The following SPOCK1 variants were observed in gnomAD, a reference collection of about 807,000 sequenced individuals.
SPOCK1 encodes the protein SPARC (osteonectin), cwcv and kazal like domains proteoglycan 1.
In SPOCK1, 23 loss-of-function variants were observed where a neutral mutation model predicts 55.3. The ratio of observed to expected loss-of-function variants is 0.42; its 90% confidence interval spans 0.30 to 0.59. The LOEUF (loss-of-function observed/expected upper bound fraction) is 0.59. Among genes scored for constraint, SPOCK1 ranks in the 20% least tolerant of loss-of-function variants. The pLI, the probability that SPOCK1 is intolerant of heterozygous loss-of-function variation, is 0.22. For synonymous variants in SPOCK1, 226 were observed against 221.0 expected, an observed-to-expected ratio of 1.02 and a Z score of -0.20; for missense variants, 499 against 552.5, an observed-to-expected ratio of 0.90 and a Z score of 0.97.
intron 2 of SPOCK1, chr5:137,365,258 T>C (rs1751033636): frequency 6.6e-6 from 1 of 152,310 alleles, no homozygotes. Context: ...CCAGCCATTC[T>C]GTCCATCCAC....
chr5:137,245,699 G>C (rs1434654172), intron 3 of SPOCK1, among the ~76,000 whole-genome samples: 1 of 150,798 alleles, frequency 6.6e-6, no homozygotes, highest in Non-Finnish European at 1.5e-5. Flanking sequence ...TGTACGGTTA[G>C]ATGGCCCAAT....
intron 2 of SPOCK1, among the ~76,000 whole-genome samples, chr5:137,483,194 G>A (rs972448673): frequency 2.6e-5 from 4 of 152,154 alleles, no homozygotes; most frequent in African/African-American, 4.8e-5. Flanking sequence ...TTAGTCAGGC[G>A]TAGTGGTAGG....
intron 9 of SPOCK1, among the ~76,000 whole-genome samples, chr5:136,980,468 G>A (rs1363130332): frequency 6.6e-6 from 1 of 152,200 alleles, no homozygotes; most frequent in Non-Finnish European, 1.5e-5. Flanking sequence ...CCCACGTGTT[G>A]TGGGAGGGAC....
rs1007199844 is a variant in SPOCK1, at chr5:137,072,596, C to T, written c.475-4767G>A. The stretch of plus-strand genomic sequence containing the variant: ...TTGGTTGGAATGAGTGAATATTTTC[C>T]GTAAATGGTCAGTAAATCTTTCTCT... On this transcript the variant is annotated intron_variant, in intron 5 of 10. Transcript: ENST00000394945. Among the ~76,000 whole-genome samples, 8 of 152,260 alleles carry T rather than the reference C, an allele frequency of 5.3e-5. No individual in the cohort carries two copies. The South Asian group carries it at 6.2e-4, about 12-fold the overall frequency.
At chr5:137,498,909 GACGGT>G (rs1297198271) in intron 1 of SPOCK1, among the ~76,000 whole-genome samples, 1 of 936 alleles carries the variant, frequency 1.1e-3, no homozygotes, top group Non-Finnish European at 4.5e-3. Flanking sequence ...CACTCCCACA[GACGGT>G]GCGGTGCACA....
At chr5:137,052,914 A>G (rs1477163377) in intron 6 of SPOCK1, among the ~76,000 whole-genome samples, 1 of 151,972 alleles carries the variant, frequency 6.6e-6, no homozygotes, top group African/African-American at 2.4e-5. Context: ...AAATGAGCCT[A>G]TGTCTCCTGT....
intron 2 of SPOCK1, among the ~76,000 whole-genome samples, chr5:137,309,260 G>A (rs1286701355): frequency 6.6e-6 from 1 of 152,156 alleles, no homozygotes; most frequent in Non-Finnish European, 1.5e-5. Context: ...CTGGCACAAG[G>A]AGAGGGGCAG....
chr5:137,188,490 T>G (rs1325262723), intron 3 of SPOCK1, among the ~76,000 whole-genome samples: 2 of 152,206 alleles, frequency 1.3e-5, no homozygotes, highest in Non-Finnish European at 2.9e-5. Flanking sequence ...TGATCTTTGA[T>G]GTTACTATTG....
chr5:137,261,498 G>A (rs868308692), intron 3 of SPOCK1, among the ~76,000 whole-genome samples: 2 of 152,170 alleles, frequency 1.3e-5, no homozygotes, highest in East Asian at 3.8e-4. Context: ...ATAATAGACT[G>A]GAAGTCAAAG....
intron 3 of SPOCK1, among the ~76,000 whole-genome samples, chr5:137,207,093 A>G (rs1443534394): frequency 6.6e-6 from 1 of 152,238 alleles, no homozygotes; most frequent in Non-Finnish European, 1.5e-5. Flanking sequence ...CCTGAGTAAC[A>G]GATTTTCCCA....
intron 2 of SPOCK1, among the ~76,000 whole-genome samples, chr5:137,453,894 G>A (rs1473156710): frequency 6.6e-6 from 1 of 152,128 alleles, no homozygotes; most frequent in Non-Finnish European, 1.5e-5. Flanking sequence ...TTGTAGTGGA[G>A]TCCCCTTATT....
At chr5:137,077,911 C>T (rs1219146876) in intron 5 of SPOCK1, among the ~76,000 whole-genome samples, 1 of 152,064 alleles carries the variant, frequency 6.6e-6, no homozygotes, top group African/African-American at 2.4e-5. Flanking sequence ...ATCATCTTCC[C>T]AGAAACTCTA....
chr5:137,293,960 T>G (rs1347281321), intron 2 of SPOCK1, among the ~76,000 whole-genome samples: 2 of 152,146 alleles, frequency 1.3e-5, no homozygotes, highest in East Asian at 3.9e-4. Context: ...GAGCTTGCAG[T>G]GAGCCGAGAT....
chr5:137,123,363 C>T lies in SPOCK1; in HGVS notation c.348-10802G>A, dbSNP rs144947515. The stretch of plus-strand genomic sequence containing the variant: ...TGCCCCATCCGTTCCCAAAGGTGAG[C>T]TCAAGTAGCAGCCCTCTCTGAGAAG... On this transcript the variant is annotated intron_variant, in intron 4 of 10. Coordinates refer to ENST00000394945, the MANE Select transcript of SPOCK1 (RefSeq NM_004598.4). Among the ~76,000 whole-genome samples the T allele has an allele frequency of 7.4e-3, 1,134 of 152,252 alleles. 10 individuals are homozygous for T. The highest frequency in any genetic ancestry group is 0.014 in the Middle Eastern group (4 of 294).
intron 2 of SPOCK1, among the ~76,000 whole-genome samples, chr5:137,345,605 G>A (rs1365821450): frequency 3.9e-5 from 6 of 152,162 alleles, no homozygotes; most frequent in Non-Finnish European, 5.9e-5. Context: ...GGTCTAAGTG[G>A]CTCTTTAGCT....
intron 3 of SPOCK1, among the ~76,000 whole-genome samples, chr5:137,159,303 G>A (rs1754481772): frequency 6.6e-6 from 1 of 152,140 alleles, no homozygotes; most frequent in Non-Finnish European, 1.5e-5. Flanking sequence ...CTAGGCCATA[G>A]AATAAATACC....
intron 6 of SPOCK1, among the ~76,000 whole-genome samples, chr5:136,997,074 A>T (rs1751055998): frequency 6.6e-6 from 1 of 152,094 alleles, no homozygotes; most frequent in Non-Finnish European, 1.5e-5. Flanking sequence ...CTTCTCAATG[A>T]TGTTTCCCCA....
At chr5:137,034,835 A>G (rs138741020) in intron 6 of SPOCK1, among the ~76,000 whole-genome samples, 23 of 152,346 alleles carry the variant, frequency 1.5e-4, no homozygotes, top group African/African-American at 5.5e-4. Flanking sequence ...TGGTGTGGAC[A>G]GTGGCACGGA....
At chr5:137,015,446 T>A (rs1308772673) in intron 6 of SPOCK1, among the ~76,000 whole-genome samples, 2 of 152,148 alleles carry the variant, frequency 1.3e-5, no homozygotes, top group Non-Finnish European at 2.9e-5. Flanking sequence ...CAAGACTCTG[T>A]CTCAGAGAGA....
Sources: allele counts gnomAD v4.1 joint callset (sites outside exome capture counted in the v4.1 genomes callset), GRCh38; gene constraint gnomAD v4.1.1; transcripts MANE v1.5; gene names NCBI Gene and HGNC (gene_info 2026-07-23, HGNC 2026-07-21).